NAA60: variants seen among roughly 807,000 people sequenced by gnomAD.
NAA60 encodes N-alpha-acetyltransferase 60, NatF catalytic subunit.
NAA60 carries 8 observed loss-of-function variants against 26.1 expected under a neutral mutation model. That is an observed-to-expected ratio of 0.31 (90% CI 0.18 to 0.55). NAA60 has a LOEUF of 0.55. Among genes scored for constraint, NAA60 ranks in the 20% least tolerant of loss-of-function variants. NAA60 has a pLI of 0.93. For missense variants in NAA60, 290 were observed against 311.3 expected (o/e 0.93, Z 0.51); for synonymous variants, 131 against 122.5 (o/e 1.07, Z -0.46).
At chr16:3,465,071 T>C (rs1274000130) in intron 2 of NAA60, among the ~76,000 whole-genome samples, 1 of 150,898 alleles carries the variant, frequency 6.6e-6, no homozygotes, top group Non-Finnish European at 1.5e-5. Flanking sequence ...ATTGAGACCA[T>C]CCTGGCTAAC....
intron 2 of NAA60, chr16:3,457,968 A>C (rs1041147717): frequency 1.0e-6 from 1 of 984,662 alleles, no homozygotes; most frequent in African/African-American, 1.7e-5. Context: ...GGGCGGGGCC[A>C]CGTGGGGGCG....
chr16:3,479,891 C>G (rs768623817), intron 4 of NAA60, among the ~76,000 whole-genome samples: 1 of 152,178 alleles, frequency 6.6e-6, no homozygotes, highest in Admixed American at 6.5e-5. Context: ...GCAGTTACAA[C>G]GTGCTATGAA....
chr16:3,458,233 A>T, intron 2 of NAA60: 237 of 488,882 alleles, frequency 4.8e-4, no homozygotes, highest in Middle Eastern at 4.2e-3. Flanking sequence ...CGGGGCGCCG[A>T]GGGGGCGGGG....
intron 4 of NAA60, among the ~76,000 whole-genome samples, chr16:3,481,431 G>C (rs1373877468): frequency 6.6e-6 from 1 of 151,866 alleles, no homozygotes; most frequent in Non-Finnish European, 1.5e-5. Context: ...TTCCCCCAAT[G>C]ACTCATTCCC....
chr16:3,452,692 C>T (rs1038937880), intron 2 of NAA60, among the ~76,000 whole-genome samples: 4 of 150,912 alleles, frequency 2.7e-5, no homozygotes, highest in African/African-American at 9.8e-5. Flanking sequence ...CATGGTGGCT[C>T]ACACCAGTAA....
chr16:3,482,854 C>T (rs2036933616), intron 5 of NAA60: 2 of 559,108 alleles, frequency 3.6e-6, no homozygotes, highest in Non-Finnish European at 6.5e-6. Context: ...GCTCAGCCCC[C>T]AGGATGGAGC....
At chr16:3,447,453 A>G (rs2034601219) in intron 1 of NAA60, 1 of 985,212 alleles carries the variant, frequency 1.0e-6, no homozygotes, top group African/African-American at 1.7e-5. Context: ...TGAATTGCTC[A>G]CTACGTTTGG....
rs531011488 is a variant in NAA60 at position 3,469,425 on chromosome 16, G to T, written c.-6-6797G>T. On this transcript the variant is annotated intron_variant, in intron 2 of 7. Coordinates refer to ENST00000407558, the MANE Select transcript of NAA60 (RefSeq NM_001083601.3). ...TGACTTTGCCTTGCTGCTCCCCCCA[G>T]CACTGCCCTGGTACCCATCCTGTTT... Among the ~76,000 whole-genome samples the T allele has an allele frequency of 2.0e-5, 3 of 151,054 alleles. No homozygotes were observed. The East Asian group carries it at 5.9e-4, about 30-fold the overall frequency.
rs953956553 is a variant in NAA60, at chr16:3,483,260, G to T, written c.338-103G>T. On this transcript the variant is annotated intron_variant, in intron 5 of 7. Coordinates refer to ENST00000407558, the MANE Select transcript of NAA60 (RefSeq NM_001083601.3). ...GAAAGGCTGGTCTCTGATACGGTGG[G>T]CCGAGACATCTCCGAGAGACTCATG... The T allele has an allele frequency of 4.8e-6, 4 of 838,728 alleles. No individual in the cohort carries two copies. In the East Asian group the frequency reaches 1.1e-4, roughly 22 times the overall value. 52.0% of individuals were successfully genotyped at this position (838,728 alleles called of 1,614,324 possible).
chr16:3,458,477 C>G (rs2150959172), intron 2 of NAA60, among the ~76,000 whole-genome samples: 1 of 152,240 alleles, frequency 6.6e-6, no homozygotes, highest in South Asian at 2.1e-4. Context: ...GTGTCCGACC[C>G]CGCGATGAGT....
Position 3,484,755 on chromosome 16 carries a change from C to A in NAA60, c.629C>A (p.Pro210Gln). The stretch of plus-strand genomic sequence containing the variant: ...GCCAGCCTGAGCCCCTGCTCCATTC[C>A]GCACAGAGTCTACCGCCAGGCCCAC... ...ALASLSPCSI[P>Q]HRVYRQAHSL... Residue 210 changes from proline (P) to glutamine (Q), a missense_variant, in exon 7 of 8, where the codon CCG becomes CAG. Pro to Gln is a moderately conservative substitution (Grantham distance 76). Coordinates refer to ENST00000407558, the MANE Select transcript of NAA60 (RefSeq NM_001083601.3). The A allele has an allele frequency of 6.3e-7, 1 of 1,594,346 alleles. No homozygotes were observed. Among genetic ancestry groups the A allele is most frequent in the Non-Finnish European group, 8.5e-7 (1 of 1,171,436 alleles).
intron 2 of NAA60, among the ~76,000 whole-genome samples, chr16:3,465,848 C>G (rs79228916): frequency 1.7e-3 from 263 of 152,326 alleles, no homozygotes; most frequent in Non-Finnish European, 2.9e-3. Context: ...CTGCTCACTG[C>G]TGAGACCCCG....
chr16:3,449,862 C>A (rs989113754), intron 2 of NAA60: 2 of 378,052 alleles, frequency 5.3e-6, no homozygotes, highest in Admixed American at 9.1e-5. Flanking sequence ...CTGCACAAGC[C>A]CTCTTTTGTC....
rs570175315 is a variant in NAA60, at chr16:3,475,182, C to T, written c.-6-1040C>T. On this transcript the variant is annotated intron_variant, in intron 2 of 7. Coordinates refer to ENST00000407558, the MANE Select transcript of NAA60 (RefSeq NM_001083601.3). ...TTGGCTCACTGCAGCCTCCACCTCCCGGGTTCAAGCGATTCTCCTGCCTCA... is the reference window on the plus strand; with the variant it reads ...TTGGCTCACTGCAGCCTCCACCTCCTGGGTTCAAGCGATTCTCCTGCCTCA... Among the ~76,000 whole-genome samples, 16 of 151,910 alleles carry T rather than the reference C, an allele frequency of 1.1e-4. No individual in the cohort carries two copies. The East Asian group carries it at 2.1e-3, about 20-fold the overall frequency.
intron 2 of NAA60, among the ~76,000 whole-genome samples, chr16:3,475,002 A>G (rs923115032): frequency 1.3e-5 from 2 of 151,894 alleles, no homozygotes; most frequent in Admixed American, 6.6e-5. Flanking sequence ...GCTGATCTCA[A>G]ACTCCTGGGT....
At chr16:3,474,773 G>C (rs76393597) in intron 2 of NAA60, among the ~76,000 whole-genome samples, 16 of 152,194 alleles carry the variant, frequency 1.1e-4, no homozygotes, top group Non-Finnish European at 8.8e-5. Context: ...GTTTGACTCC[G>C]TCATTTCTGT....
At chr16:3,463,837 C>T (rs1225817748) in intron 2 of NAA60, among the ~76,000 whole-genome samples, 1 of 152,116 alleles carries the variant, frequency 6.6e-6, no homozygotes, top group Non-Finnish European at 1.5e-5. Flanking sequence ...GAGATCCTGT[C>T]TCTTAGAGAA....
intron 2 of NAA60, among the ~76,000 whole-genome samples, chr16:3,453,406 C>G (rs932382292): frequency 1.3e-5 from 2 of 151,380 alleles, no homozygotes; most frequent in Non-Finnish European, 3.0e-5. Flanking sequence ...ATAATGAAAT[C>G]ATGAAAAAAA....
At chr16:3,474,597 CA>C (rs1264342839) in intron 2 of NAA60, among the ~76,000 whole-genome samples, 1 of 152,222 alleles carries the variant, frequency 6.6e-6, no homozygotes, top group East Asian at 1.9e-4. Flanking sequence ...GGCGGGAGCT[CA>C]GAGAGGCTGG....
Sources: allele counts gnomAD v4.1 joint callset (sites outside exome capture counted in the v4.1 genomes callset), GRCh38; gene constraint gnomAD v4.1.1; transcripts MANE v1.5; gene names NCBI Gene and HGNC (gene_info 2026-07-23, HGNC 2026-07-21).